Variants in RFX8 observed in about 807,000 individuals in gnomAD.
RFX8 encodes the protein regulatory factor X8.
A neutral mutation model predicts 54.6 loss-of-function variants in RFX8; 46 were observed. That is an observed-to-expected ratio of 0.84 (90% CI 0.67 to 1.08). The LOEUF (loss-of-function observed/expected upper bound fraction) is 1.08. RFX8 is among the 50% of genes least tolerant of loss of function. The probability of loss-of-function intolerance (pLI) is 0.00; values close to 1 mark genes in which losing one functional copy is unlikely to be tolerated. For missense variants in RFX8, 536 were observed against 562.3 expected (o/e 0.95, Z 0.47); for synonymous variants, 192 against 209.5 (o/e 0.92, Z 0.72).
intron 6 of RFX8, among the ~76,000 whole-genome samples, chr2:101,416,897 A>C (rs1374696635): frequency 6.6e-6 from 1 of 152,210 alleles, no homozygotes; most frequent in African/African-American, 2.4e-5. Flanking sequence ...TGGCAGCCAG[A>C]CAGAAGGGGA....
chr2:101,422,289 CA>C, intron 3 of RFX8, 72 bp downstream of exon 3: 1 of 781,564 alleles, frequency 1.3e-6, no homozygotes, highest in South Asian at 1.6e-5. Flanking sequence ...ACCACAGGCA[CA>C]AAAGGAAGCT....
chr2:101,416,531 C>T (rs981500624), intron 6 of RFX8, among the ~76,000 whole-genome samples: 3 of 152,106 alleles, frequency 2.0e-5, no homozygotes, highest in Non-Finnish European at 4.4e-5. Flanking sequence ...GAGATAATTG[C>T]AAAGGAAGCA....
intron 3 of RFX8, among the ~76,000 whole-genome samples, chr2:101,422,037 A>G (rs1407702117): frequency 6.6e-6 from 1 of 152,240 alleles, no homozygotes; most frequent in Non-Finnish European, 1.5e-5. Flanking sequence ...AAAGGCCACC[A>G]AACTTTGACA....
At chr2:101,398,940 ATTG>A in intron 11 of RFX8, among the ~76,000 whole-genome samples, 1 of 152,332 alleles carries the variant, frequency 6.6e-6, no homozygotes, top group Middle Eastern at 3.4e-3. Context: ...TTTTCAAAAA[ATTG>A]TTTTCACCTT....
chr2:101,455,036 C>T (rs1413216380), intron 2 of RFX8, among the ~76,000 whole-genome samples: 3 of 89,246 alleles, frequency 3.4e-5, no homozygotes, highest in Admixed American at 2.1e-4. Context: ...TTTTTTGAGA[C>T]AGAGTTTCAC....
chr2:101,403,324 G>T (rs1685553026), intron 10 of RFX8, among the ~76,000 whole-genome samples: 1 of 152,178 alleles, frequency 6.6e-6, no homozygotes, highest in African/African-American at 2.4e-5. Flanking sequence ...GAGACAGGAG[G>T]GTATGTGACT....
At chr2:101,405,443 A>T (rs1281804018) in intron 10 of RFX8, among the ~76,000 whole-genome samples, 1 of 152,104 alleles carries the variant, frequency 6.6e-6, no homozygotes, top group Admixed American at 6.6e-5. Context: ...CACAGCACCC[A>T]ACCCCTACAA....
intron 2 of RFX8, among the ~76,000 whole-genome samples, chr2:101,456,669 TTC>T (rs1476034172): frequency 7.9e-5 from 12 of 152,196 alleles, no homozygotes; most frequent in Non-Finnish European, 1.8e-4. Context: ...TGGTCTAAAA[TTC>T]TCTTTTTTTT....
chr2:101,453,547 C>G (rs1159135606), intron 2 of RFX8, among the ~76,000 whole-genome samples: 1 of 152,066 alleles, frequency 6.6e-6, no homozygotes, highest in Non-Finnish European at 1.5e-5. Flanking sequence ...GCATCGCACT[C>G]TAGCCTAGGT....
At chr2:101,469,107 A>C (rs566691598) in intron 1 of RFX8, among the ~76,000 whole-genome samples, 1,226 of 18,900 alleles carry the variant, frequency 0.065, 119 homozygotes, top group African/African-American at 0.18. Context: ...TATATATATA[A>C]GTGTATATAT....
At chr2:101,459,251 G>T (rs567915431) in intron 2 of RFX8, among the ~76,000 whole-genome samples, 1 of 152,090 alleles carries the variant, frequency 6.6e-6, no homozygotes, top group African/African-American at 2.4e-5. Flanking sequence ...GTTTTGTTCC[G>T]TTGCTGGCGA....
intron 2 of RFX8, among the ~76,000 whole-genome samples, chr2:101,465,700 C>T (rs1248324160): frequency 1.3e-5 from 2 of 152,076 alleles, no homozygotes; most frequent in Non-Finnish European, 2.9e-5. Flanking sequence ...TTTTGGGAGG[C>T]TTACCTTAAT....
At chr2:101,472,395 C>T (rs1360852775) in intron 1 of RFX8, among the ~76,000 whole-genome samples, 5 of 152,150 alleles carry the variant, frequency 3.3e-5, no homozygotes, top group Non-Finnish European at 7.4e-5. Context: ...AGCCACCGCA[C>T]CCGGCCTCAA....
At chr2:101,404,032 A>C (rs957690801) in intron 10 of RFX8, among the ~76,000 whole-genome samples, 3 of 152,212 alleles carry the variant, frequency 2.0e-5, no homozygotes, top group Non-Finnish European at 2.9e-5. Context: ...TCTGTGGATG[A>C]GGGTCATCTG....
At chr2:101,462,083 A>G (rs1689314323) in intron 2 of RFX8, among the ~76,000 whole-genome samples, 1 of 152,210 alleles carries the variant, frequency 6.6e-6, no homozygotes, top group Non-Finnish European at 1.5e-5. Flanking sequence ...ATGGGGACTT[A>G]TGGTGTTTAA....
intron 2 of RFX8, among the ~76,000 whole-genome samples, chr2:101,439,018 G>A (rs1212870500): frequency 1.3e-5 from 2 of 152,064 alleles, no homozygotes; most frequent in Non-Finnish European, 2.9e-5. Flanking sequence ...TCACTATGTT[G>A]GTCAGGCTGG....
At chr2:101,436,224 A>G (rs1055519171) in intron 2 of RFX8, among the ~76,000 whole-genome samples, 4 of 152,188 alleles carry the variant, frequency 2.6e-5, no homozygotes, top group Non-Finnish European at 5.9e-5. Flanking sequence ...GACTACATTT[A>G]TTTTAATTAG....
chr2:101,447,282 C>T (rs540725229), intron 2 of RFX8, among the ~76,000 whole-genome samples: 30 of 145,692 alleles, frequency 2.1e-4, no homozygotes, highest in African/African-American at 7.0e-4. Flanking sequence ...ATTCTTAAAC[C>T]GCAAGGCTGA....
chr2:101,399,739 C>A lies in RFX8; in HGVS notation c.1246-2015G>T, dbSNP rs143727739. Among the ~76,000 whole-genome samples the A allele has an allele frequency of 2.0e-3, 308 of 152,162 alleles. 7 individuals are homozygous for A. In the East Asian group the frequency reaches 0.047, roughly 23 times the overall value. ...TCCTGTAGAATTAGACATGAGTATC[C>A]CCATAAGTTAAGCAATTTGTCCAGT... On this transcript the variant is annotated intron_variant, in intron 11 of 11. Transcript: ENST00000428343.
Sources: allele counts gnomAD v4.1 joint callset (sites outside exome capture counted in the v4.1 genomes callset), GRCh38; gene constraint gnomAD v4.1.1; transcripts MANE v1.5; gene names NCBI Gene and HGNC (gene_info 2026-07-23, HGNC 2026-07-21).